Variants in PXDNL observed in about 807,000 individuals in gnomAD.
PXDNL encodes the protein peroxidasin like.
In PXDNL, 145 loss-of-function variants were observed where a neutral mutation model predicts 150.8. That is an observed-to-expected ratio of 0.96 (90% confidence interval 0.84 to 1.10). The LOEUF is 1.10. Among genes scored for constraint, PXDNL ranks in the 50% least tolerant of loss-of-function variants. PXDNL has a pLI of 0.00. For synonymous variants in PXDNL, 757 were observed against 725.7 expected (o/e 1.04, Z -0.69); for missense variants, 2,087 against 1,873.9 (o/e 1.11, Z -2.10).
intron 1 of PXDNL, among the ~76,000 whole-genome samples, chr8:51,713,599 T>C (rs73678980): frequency 0.13 from 19,806 of 152,168 alleles, 2,515 homozygotes; most frequent in African/African-American, 0.32. Context: ...GGCCAATTGT[T>C]TCACCACAAA....
chr8:51,432,536 CT>C (rs1246101726), intron 12 of PXDNL, among the ~76,000 whole-genome samples: 1 of 152,182 alleles, frequency 6.6e-6, no homozygotes, highest in Non-Finnish European at 1.5e-5. Context: ...TCTTCAATTT[CT>C]TTCAATGACA....
chr8:51,329,679 G>A (rs1297835252), intron 21 of PXDNL, among the ~76,000 whole-genome samples: 1 of 152,134 alleles, frequency 6.6e-6, no homozygotes, highest in East Asian at 1.9e-4. Flanking sequence ...TGTAAGTAGA[G>A]AGATAAAAAT....
chr8:51,322,806 G>A (rs1805365377), intron 21 of PXDNL, among the ~76,000 whole-genome samples: 1 of 152,200 alleles, frequency 6.6e-6, no homozygotes, highest in Non-Finnish European at 1.5e-5. Flanking sequence ...AGTAGGACAG[G>A]AGGGTTGGTT....
intron 1 of PXDNL, among the ~76,000 whole-genome samples, chr8:51,660,108 T>C (rs1805050956): frequency 6.6e-6 from 1 of 152,068 alleles, no homozygotes; most frequent in Non-Finnish European, 1.5e-5. Flanking sequence ...CAGGCTGGTC[T>C]GGAACACCTG....
chr8:51,461,946 A>T (rs186232506), intron 8 of PXDNL, among the ~76,000 whole-genome samples: 70 of 152,284 alleles, frequency 4.6e-4, no homozygotes, highest in Non-Finnish European at 8.4e-4. Flanking sequence ...CCATCTACTC[A>T]ATTGCAGCCT....
At chr8:51,616,499 G>A (rs963178194) in intron 2 of PXDNL, among the ~76,000 whole-genome samples, 4 of 152,280 alleles carry the variant, frequency 2.6e-5, no homozygotes, top group African/African-American at 9.6e-5. Flanking sequence ...TAGCTATACA[G>A]ATATCTGTGT....
intron 1 of PXDNL, among the ~76,000 whole-genome samples, chr8:51,808,979 T>C (rs1404194992): frequency 6.6e-6 from 1 of 152,076 alleles, no homozygotes; most frequent in African/African-American, 2.4e-5. Flanking sequence ...CCAAAACAAA[T>C]ATATTTATGT....
intron 2 of PXDNL, among the ~76,000 whole-genome samples, chr8:51,650,508 G>T (rs557693356): frequency 6.6e-6 from 1 of 152,318 alleles, no homozygotes; most frequent in East Asian, 1.9e-4. Flanking sequence ...AGATCAGCCA[G>T]AGTCTTTTTT....
At chr8:51,507,956 G>A (rs1242013022) in intron 4 of PXDNL, among the ~76,000 whole-genome samples, 2 of 152,218 alleles carry the variant, frequency 1.3e-5, no homozygotes, top group African/African-American at 4.8e-5. Context: ...TGCCTGCCAT[G>A]TGGAGCCTCA....
chr8:51,760,640 C>A (rs1585729214), intron 1 of PXDNL, among the ~76,000 whole-genome samples: 1 of 152,070 alleles, frequency 6.6e-6, no homozygotes, highest in African/African-American at 2.4e-5. Flanking sequence ...GAACTGGTGG[C>A]ATTTTAAAAC....
intron 1 of PXDNL, among the ~76,000 whole-genome samples, chr8:51,675,534 C>T (rs932827020): frequency 6.6e-6 from 1 of 152,058 alleles, no homozygotes; most frequent in South Asian, 2.1e-4. Flanking sequence ...GTGGCTCACA[C>T]CTGTAATCCC....
In PXDNL at chr8:51,691,406, G is replaced by A. The variant is rs188057248; in HGVS notation, c.165-36646C>T. The stretch of plus-strand genomic sequence containing the variant: ...TGCCTATGGCTAGCCAGTTTTCCCA[G>A]CACCATTTATTAAATAGGGAATCTT... On this transcript the variant is annotated intron_variant, in intron 1 of 22. Coordinates refer to ENST00000356297, the MANE Select transcript of PXDNL (RefSeq NM_144651.5). 8.6e-4 allele frequency among the ~76,000 whole-genome samples: 131 copies of A among 152,108 alleles called. 1 individual carries two copies. Among genetic ancestry groups the A allele is most frequent in the African/African-American group, 2.9e-3 (122 of 41,484 alleles).
chr8:51,393,131 G>A (rs1371220514), intron 17 of PXDNL, among the ~76,000 whole-genome samples: 1 of 152,160 alleles, frequency 6.6e-6, no homozygotes, highest in Non-Finnish European at 1.5e-5. Context: ...GCTACCTATA[G>A]AAAGACAGGT....
At chr8:51,483,332 G>A (rs1055573278) in intron 6 of PXDNL, among the ~76,000 whole-genome samples, 3 of 152,166 alleles carry the variant, frequency 2.0e-5, no homozygotes, top group Non-Finnish European at 4.4e-5. Context: ...CTTATCTCAT[G>A]AAAAAGTTAA....
chr8:51,435,369 T>TTTTGTTTG (rs113465440), intron 12 of PXDNL, among the ~76,000 whole-genome samples: 15 of 151,286 alleles, frequency 9.9e-5, no homozygotes, highest in South Asian at 6.3e-4. Flanking sequence ...GTTTGCTTGT[T>TTTTGTTTG]TTTGTTTGTT....
At chr8:51,376,973 C>G (rs528218757) in intron 17 of PXDNL, among the ~76,000 whole-genome samples, 1 of 152,278 alleles carries the variant, frequency 6.6e-6, no homozygotes, top group South Asian at 2.1e-4. Context: ...CCTCCTCAGC[C>G]TCCCAAAGTG....
chr8:51,801,410 T>C (rs2037619330), intron 1 of PXDNL, among the ~76,000 whole-genome samples: 1 of 151,896 alleles, frequency 6.6e-6, no homozygotes, highest in Admixed American at 6.5e-5. Flanking sequence ...CTTGTGATCT[T>C]TATTGCCCTT....
chr8:51,774,620 C>G (rs1048992588), intron 1 of PXDNL, among the ~76,000 whole-genome samples: 32 of 152,022 alleles, frequency 2.1e-4, no homozygotes, highest in African/African-American at 7.5e-4. Flanking sequence ...AGATCGAGAC[C>G]ATCCTGGGTA....
chr8:51,588,645 C>G (rs75965498), intron 3 of PXDNL, among the ~76,000 whole-genome samples: 1,972 of 152,236 alleles, frequency 0.013, 47 homozygotes, highest in African/African-American at 0.046. Context: ...AATATTAGTG[C>G]TAGTAATGAG....
Sources: gnomAD v4.1 joint callset for allele counts (sites outside exome capture counted in the v4.1 genomes callset) on GRCh38, gnomAD v4.1.1 for gene constraint, MANE v1.5 for transcripts, NCBI Gene and HGNC (gene_info 2026-07-23, HGNC 2026-07-21) for gene names.